The following SULT2B1 variants were observed in gnomAD, a reference collection of about 807,000 sequenced individuals.
SULT2B1 encodes the protein sulfotransferase family 2B member 1, also known as sulfotransferase 2B1.
SULT2B1 carries 16 observed loss-of-function variants against 33.2 expected under a neutral mutation model. The observed-to-expected ratio is 0.48, with a 90% CI of 0.33 to 0.73. The LOEUF (loss-of-function observed/expected upper bound fraction) is 0.73, where lower values mean the gene tolerates loss of function less well. Ranked by LOEUF, SULT2B1 falls within the 30% of genes least tolerant of loss-of-function variation. SULT2B1 has a pLI of 0.02. For missense variants in SULT2B1, 500 were observed against 506.0 expected (o/e 0.99, Z 0.11); for synonymous variants, 186 against 200.5 (o/e 0.93, Z 0.61).
At position 48,588,466 on chromosome 19, in the gene SULT2B1, C is replaced by T. The variant is rs534540868; in HGVS notation, c.423+1029C>T. Among the ~76,000 whole-genome samples the T allele has an allele frequency of 1.5e-4, 23 of 150,412 alleles. No individual in the cohort carries two copies. The East Asian group carries it at 1.8e-3, about 11-fold the overall frequency. Reference sequence around the variant, plus strand: ...GGCGGAGGTTGTGGTGAGCCGAGATCGCGCCATTGCACTCCAGCCTGGGCA... The same window carrying T: ...GGCGGAGGTTGTGGTGAGCCGAGATTGCGCCATTGCACTCCAGCCTGGGCA... On this transcript the variant is annotated intron_variant, in intron 3 of 6. Transcript: ENST00000201586.
chr19:48,589,088 G>A (rs531444312), intron 3 of SULT2B1, among the ~76,000 whole-genome samples: 61 of 152,336 alleles, frequency 4.0e-4, no homozygotes, highest in Non-Finnish European at 7.8e-4. Flanking sequence ...GATGGGGACC[G>A]ACTGTCGAGA....
chr19:48,577,028 A>ATTTTTTTTTTTTTTTTTTTT (rs71179012), intron 2 of SULT2B1, among the ~76,000 whole-genome samples: 1 of 92,954 alleles, frequency 1.1e-5, no homozygotes, highest in Non-Finnish European at 1.9e-5. Flanking sequence ...ACCCCCCTCT[A>ATTTTTTTTTTTTTTTTTTTT]TTTTTTTTTT....
At chr19:48,554,517 C>A (rs551146923) in intron 1 of SULT2B1, among the ~76,000 whole-genome samples, 1 of 148,872 alleles carries the variant, frequency 6.7e-6, no homozygotes, top group Non-Finnish European at 1.5e-5. Flanking sequence ...TCATCTCCCC[C>A]CAACCTCACC....
chr19:48,591,470 C>G, intron 3 of SULT2B1, 139 bp from the exon 4 acceptor site: 1 of 988,810 alleles, frequency 1.0e-6, no homozygotes, highest in Non-Finnish European at 1.4e-6. Context: ...CAGACTCCAT[C>G]GCAAAAAAAA....
chr19:48,563,396 C>G (rs1010649601), intron 1 of SULT2B1, among the ~76,000 whole-genome samples: 2 of 152,004 alleles, frequency 1.3e-5, no homozygotes, highest in African/African-American at 4.8e-5. Context: ...TGGAAACCGC[C>G]GAGGTGTCCA....
Position 48,571,973 on chromosome 19 carries a change from C to T in SULT2B1, c.72-3968C>T, listed in dbSNP as rs562151765. ...TGTGACCTTAGGGGACTATATTAAC[C>T]TCTCTGGGCCTCCATTTCTTGGAGC... On this transcript the variant is annotated intron_variant, in intron 1 of 6. Transcript: ENST00000201586. Among the ~76,000 whole-genome samples, 5 of 152,280 alleles carry T rather than the reference C, an allele frequency of 3.3e-5. No homozygotes were observed. The South Asian group carries it at 8.3e-4, about 25-fold the overall frequency.
At chr19:48,559,331 G>A (rs1601086265) in intron 1 of SULT2B1, among the ~76,000 whole-genome samples, 1 of 150,178 alleles carries the variant, frequency 6.7e-6, no homozygotes, top group East Asian at 2.0e-4. Flanking sequence ...CAGAGTTCAG[G>A]ACCCATTTGG....
intron 2 of SULT2B1, among the ~76,000 whole-genome samples, chr19:48,581,264 G>C (rs183732003): frequency 6.8e-6 from 1 of 147,072 alleles, no homozygotes; most frequent in Non-Finnish European, 1.5e-5. Flanking sequence ...GGCTGGTCTC[G>C]AACTCCCAAT....
rs1428639787 is a variant in SULT2B1, at chr19:48,587,192, C to T, written c.215-37C>T. 4.6e-6 allele frequency: 7 copies of T among 1,507,466 alleles called. No individual in the cohort carries two copies. The Admixed American group carries it at 1.1e-4, about 23-fold the overall frequency. The allele number at this position is 1,507,466 out of a possible 1,614,324, so 93.4% of individuals were successfully genotyped here. The stretch of plus-strand genomic sequence containing the variant: ...TGATGATATCTCCCTCTTCAGCCCT[C>T]CCACACCCAATTAATCTGCTCGATT... On this transcript the variant is annotated intron_variant, in intron 2 of 6. Coordinates refer to ENST00000201586, the MANE Select transcript of SULT2B1 (RefSeq NM_177973.2).
intron 6 of SULT2B1, among the ~76,000 whole-genome samples, chr19:48,597,272 T>C (rs1329045181): frequency 1.3e-5 from 2 of 151,580 alleles, no homozygotes; most frequent in Non-Finnish European, 2.9e-5. Flanking sequence ...GGCGGTAGCA[T>C]AGTTGTTTCC....
At chr19:48,580,903 G>C (rs778012884) in intron 2 of SULT2B1, among the ~76,000 whole-genome samples, 14 of 148,026 alleles carry the variant, frequency 9.5e-5, no homozygotes, top group Non-Finnish European at 1.7e-4. Context: ...TGCCTGGCCA[G>C]TTTTTTTCTA....
chr19:48,576,842 T>C (rs1973419023), intron 2 of SULT2B1, among the ~76,000 whole-genome samples: 2 of 147,586 alleles, frequency 1.4e-5, no homozygotes, highest in African/African-American at 5.0e-5. Flanking sequence ...GGTTTCATCA[T>C]GTTGCCCAGG....
chr19:48,569,297 G>A (rs1268586814), intron 1 of SULT2B1, among the ~76,000 whole-genome samples: 7 of 146,720 alleles, frequency 4.8e-5, no homozygotes, highest in East Asian at 2.2e-4. Context: ...AGCCAAGATC[G>A]CGCCACTGCA....
chr19:48,557,644 C>T (rs181152055), intron 1 of SULT2B1, among the ~76,000 whole-genome samples: 3 of 152,122 alleles, frequency 2.0e-5, no homozygotes, highest in Admixed American at 1.3e-4. Context: ...AGGCCGGGCA[C>T]GGTGGCTCAC....
chr19:48,553,113 G>A (rs946480209), intron 1 of SULT2B1, among the ~76,000 whole-genome samples: 14 of 151,874 alleles, frequency 9.2e-5, no homozygotes, highest in Admixed American at 1.3e-4. Context: ...TTAGGGGAGC[G>A]CAGAGGCCCA....
At position 48,596,798 on chromosome 19, in the gene SULT2B1, G is replaced by A. The variant is rs749839881; in HGVS notation, c.705G>A (p.Glu235=). The A allele has an allele frequency of 6.2e-7, 1 of 1,609,820 alleles. No individual in the cohort carries two copies. The highest frequency in any genetic ancestry group is 1.1e-5 in the South Asian group (1 of 91,030). ...TCCTGGGCCGTCCGCTGGGCAAGGA[G>A]GCACTGGGCTCCGTCGTGGCACACT... ...CGFLGRPLGK[E]ALGSVVAHST... is the part of the protein sequence containing the mutation. Residue 235 remains glutamate (E), a synonymous_variant, in exon 6 of 7, where the codon GAG becomes GAA. Coordinates refer to ENST00000201586, the MANE Select transcript of SULT2B1 (RefSeq NM_177973.2).
chr19:48,597,395 T>TTGCAG (rs149243072), intron 6 of SULT2B1, among the ~76,000 whole-genome samples: 4,646 of 148,586 alleles, frequency 0.031, 250 homozygotes, highest in East Asian at 0.24. Context: ...TGGCTGGAGG[T>TTGCAG]TGCAGTGGCG....
chr19:48,555,747 G>T (rs974352808), intron 1 of SULT2B1, among the ~76,000 whole-genome samples: 2 of 149,622 alleles, frequency 1.3e-5, no homozygotes, highest in Non-Finnish European at 3.0e-5. Flanking sequence ...GCTAATTTTT[G>T]TTTTTTTTTG....
At chr19:48,595,269 C>T (rs12460513) in intron 5 of SULT2B1, among the ~76,000 whole-genome samples, 19,408 of 123,640 alleles carry the variant, frequency 0.16, 1,501 homozygotes, top group Admixed American at 0.28. Context: ...ACAAAAAGAG[C>T]GAAACTCCGT....
Sources: gnomAD v4.1 joint callset for allele counts (sites outside exome capture counted in the v4.1 genomes callset) on GRCh38, gnomAD v4.1.1 for gene constraint, MANE v1.5 for transcripts, NCBI Gene and HGNC (gene_info 2026-07-23, HGNC 2026-07-21) for gene names.